QTMAN: variants seen among roughly 807,000 people sequenced by gnomAD.
The protein encoded by QTMAN is tRNA-queuosine alpha-mannosyltransferase.
At chr2:144,133,225 A>ATGTAT in the QTMAN span, among the ~76,000 whole-genome samples, 661 of 71,462 alleles carry the variant, frequency 9.2e-3, 20 homozygotes, top group African/African-American at 0.039. Context: ...ATATATAAAT[A>ATGTAT]TATATTTATA....
chr2:144,289,096 C>T, the QTMAN span, among the ~76,000 whole-genome samples: 8 of 138,238 alleles, frequency 5.8e-5, no homozygotes, highest in East Asian at 1.1e-3. Context: ...CGCAGTGGTG[C>T]GATCTCCACT....
chr2:144,182,888 A>ATATATAATATATATATATTT, the QTMAN span, among the ~76,000 whole-genome samples: 11 of 84,970 alleles, frequency 1.3e-4, no homozygotes, highest in South Asian at 6.0e-4. Flanking sequence ...TATATATTTT[A>ATATATAATATATATATATTT]TATATATATA....
At chr2:144,226,341 T>C in the QTMAN span, among the ~76,000 whole-genome samples, 5 of 152,128 alleles carry the variant, frequency 3.3e-5, no homozygotes, top group Non-Finnish European at 2.9e-5. Flanking sequence ...TCACTGAGAA[T>C]AAAGGTAAAA....
the QTMAN span, among the ~76,000 whole-genome samples, chr2:144,314,985 A>C: frequency 4.6e-5 from 7 of 152,274 alleles, no homozygotes; most frequent in African/African-American, 1.2e-4. Context: ...TCCAGGGTTC[A>C]AGCGATCCTT....
chr2:144,039,626 A>T, the QTMAN span, among the ~76,000 whole-genome samples: 1 of 152,210 alleles, frequency 6.6e-6, no homozygotes, highest in Non-Finnish European at 1.5e-5. Flanking sequence ...TGAACATGCC[A>T]TTCACTTAGG....
chr2:144,062,655 A>C, the QTMAN span, among the ~76,000 whole-genome samples: 1 of 152,192 alleles, frequency 6.6e-6, no homozygotes, highest in African/African-American at 2.4e-5. Flanking sequence ...ATAAACTACT[A>C]TGGTATCATT....
chr2:143,951,853 A>G, the QTMAN span: 1 of 586,446 alleles, frequency 1.7e-6, no homozygotes, highest in Non-Finnish European at 3.1e-6. Flanking sequence ...TTGTTAGTGT[A>G]ACAACTAATA....
the QTMAN span, among the ~76,000 whole-genome samples, chr2:144,121,137 T>C: frequency 1.2e-4 from 18 of 152,176 alleles, no homozygotes; most frequent in East Asian, 1.9e-3. Flanking sequence ...CTCAGAGCCA[T>C]TGAATGAGAC....
chr2:143,999,267 G>C, the QTMAN span, among the ~76,000 whole-genome samples: 16 of 152,010 alleles, frequency 1.1e-4, no homozygotes, highest in African/African-American at 3.6e-4. Context: ...GACATTCACA[G>C]TCAGGGGGAT....
At chr2:144,260,732 C>T in the QTMAN span, among the ~76,000 whole-genome samples, 2 of 151,598 alleles carry the variant, frequency 1.3e-5, no homozygotes, top group Admixed American at 1.3e-4. Flanking sequence ...ATACATGAAA[C>T]ATGTTATGTT....
the QTMAN span, among the ~76,000 whole-genome samples, chr2:144,093,244 G>C: frequency 6.6e-6 from 1 of 152,142 alleles, no homozygotes; most frequent in African/African-American, 2.4e-5. Context: ...ATACAATCAA[G>C]AGCAGCAAAG....
chr2:144,173,538 C>T, the QTMAN span, among the ~76,000 whole-genome samples: 4,712 of 152,246 alleles, frequency 0.031, 102 homozygotes, highest in Admixed American at 0.044. Context: ...TACTAACAAC[C>T]GTGTGAGCTT....
the QTMAN span, among the ~76,000 whole-genome samples, chr2:144,082,805 T>A: frequency 6.6e-6 from 1 of 152,226 alleles, no homozygotes; most frequent in South Asian, 2.1e-4. Flanking sequence ...ATCTAACCTT[T>A]AGTCACAAAA....
At chr2:144,249,770 T>C in the QTMAN span, among the ~76,000 whole-genome samples, 4 of 152,132 alleles carry the variant, frequency 2.6e-5, no homozygotes, top group Non-Finnish European at 5.9e-5. Context: ...CGCAGAAAAC[T>C]CAAAACCAAA....
At chr2:144,050,240 A>G in the QTMAN span, among the ~76,000 whole-genome samples, 1 of 152,194 alleles carries the variant, frequency 6.6e-6, no homozygotes, top group African/African-American at 2.4e-5. Context: ...AGAGCATGAC[A>G]ACTACCTTGA....
the QTMAN span, among the ~76,000 whole-genome samples, chr2:144,035,798 T>C: frequency 5.3e-5 from 8 of 152,194 alleles, no homozygotes; most frequent in African/African-American, 1.7e-4. Flanking sequence ...AAAAATGAAA[T>C]ATCACATCAA....
the QTMAN span, among the ~76,000 whole-genome samples, chr2:144,183,653 C>A: frequency 5.9e-5 from 9 of 152,196 alleles, no homozygotes; most frequent in African/African-American, 2.2e-4. Context: ...TTTTTAAGAG[C>A]AACATATACA....
the QTMAN span, among the ~76,000 whole-genome samples, chr2:144,031,016 G>A: frequency 4.1e-3 from 628 of 152,244 alleles, 5 homozygotes; most frequent in African/African-American, 0.013. Flanking sequence ...ACTTCTGTTC[G>A]TTCGAGTGGG....
At chr2:144,124,216 G>A in the QTMAN span, among the ~76,000 whole-genome samples, 1 of 152,064 alleles carries the variant, frequency 6.6e-6, no homozygotes, top group South Asian at 2.1e-4. Context: ...TGCCATACCA[G>A]TGATCTCAGT....
Sources: allele counts gnomAD v4.1 joint callset (sites outside exome capture counted in the v4.1 genomes callset), GRCh38; gene constraint gnomAD v4.1.1; transcripts MANE v1.5; gene names NCBI Gene and HGNC (gene_info 2026-07-23, HGNC 2026-07-21).